The following RFX8 variants were observed in gnomAD, a reference collection of about 807,000 sequenced individuals.
RFX8 encodes DNA-binding protein RFX8.
RFX8 carries 46 observed loss-of-function variants against 54.6 expected under a neutral mutation model. The ratio of observed to expected loss-of-function variants is 0.84; its 90% CI spans 0.67 to 1.08. The LOEUF (loss-of-function observed/expected upper bound fraction) is 1.08. RFX8 is among the 50% of genes least tolerant of loss of function. The probability of loss-of-function intolerance (pLI) is 0.00; values close to 1 mark genes in which losing one functional copy is unlikely to be tolerated. For synonymous variants in RFX8, 192 were observed against 209.5 expected, an observed-to-expected ratio of 0.92 and a Z score of 0.72; for missense variants, 536 against 562.3, an observed-to-expected ratio of 0.95 and a Z score of 0.47.
At chr2:101,406,100 A>T in intron 9 of RFX8, 43 bp from the exon 10 acceptor site, 1 of 1,156,714 alleles carries the variant, frequency 8.6e-7, no homozygotes, top group South Asian at 1.4e-5. Flanking sequence ...TTTGTAATAA[A>T]ATCAAGAAGC....
chr2:101,470,248 G>A (rs1220079874), intron 1 of RFX8, among the ~76,000 whole-genome samples: 3 of 152,160 alleles, frequency 2.0e-5, no homozygotes, highest in Admixed American at 1.3e-4. Context: ...ACCGTGGCTT[G>A]CACACAGAAG....
chr2:101,447,709 T>C (rs1688467930), intron 2 of RFX8, among the ~76,000 whole-genome samples: 2 of 152,246 alleles, frequency 1.3e-5, no homozygotes, highest in Admixed American at 1.3e-4. Context: ...CTAGAACTTA[T>C]TCTTTCTGTC....
At chr2:101,428,929 T>C (rs1316300187) in intron 2 of RFX8, 9 of 1,407,980 alleles carry the variant, frequency 6.4e-6, no homozygotes, top group Admixed American at 2.0e-5. Flanking sequence ...GGGTCTGTTA[T>C]AGTAAATCTG....
chr2:101,404,586 T>C (rs1302656977), intron 10 of RFX8, among the ~76,000 whole-genome samples: 1 of 151,216 alleles, frequency 6.6e-6, no homozygotes, highest in East Asian at 1.9e-4. Context: ...CCACCACACC[T>C]GGCTAATTTT....
chr2:101,426,380 A>G (rs1473296551), intron 2 of RFX8, among the ~76,000 whole-genome samples: 1 of 152,098 alleles, frequency 6.6e-6, no homozygotes, highest in East Asian at 1.9e-4. Context: ...ATTTCTGGGC[A>G]TGGTGACATA....
At chr2:101,402,846 T>C (rs1339442529) in intron 10 of RFX8, 94 bp from the exon 11 acceptor site, 17 of 1,128,634 alleles carry the variant, frequency 1.5e-5, no homozygotes, top group Non-Finnish European at 2.0e-5. Flanking sequence ...GGCTAACACC[T>C]GTGTACGTGA....
chr2:101,400,108 C>G (rs1685345510), intron 11 of RFX8, among the ~76,000 whole-genome samples: 1 of 152,190 alleles, frequency 6.6e-6, no homozygotes, highest in Non-Finnish European at 1.5e-5. Flanking sequence ...ACGCTCAGCT[C>G]CGGGAGACTG....
chr2:101,455,513 A>G (rs555624994), intron 2 of RFX8, among the ~76,000 whole-genome samples: 1 of 152,342 alleles, frequency 6.6e-6, no homozygotes, highest in African/African-American at 2.4e-5. Flanking sequence ...TTTGTCAAAG[A>G]TCAGATGGTT....
chr2:101,446,720 C>T (rs936692575), intron 2 of RFX8, among the ~76,000 whole-genome samples: 1 of 147,748 alleles, frequency 6.8e-6, no homozygotes, highest in African/African-American at 2.5e-5. Context: ...CTCTGAGTGC[C>T]GAGTGCCTGC....
At chr2:101,398,258 C>T (rs1685234402) in intron 11 of RFX8, among the ~76,000 whole-genome samples, 1 of 152,110 alleles carries the variant, frequency 6.6e-6, no homozygotes, top group Non-Finnish European at 1.5e-5. Flanking sequence ...GGTGCAGGGG[C>T]GGGGAGCTGA....
At chr2:101,464,768 T>A (rs941187828) in intron 2 of RFX8, among the ~76,000 whole-genome samples, 11 of 152,080 alleles carry the variant, frequency 7.2e-5, no homozygotes, top group African/African-American at 2.7e-4. Context: ...TCTCTTTAAC[T>A]TTTTTTTCTA....
chr2:101,406,149 G>T, intron 9 of RFX8, 92 bp from the exon 10 acceptor site: 3 of 682,194 alleles, frequency 4.4e-6, no homozygotes, highest in Non-Finnish European at 4.9e-6. Context: ...TCATGCACAC[G>T]CATTTTTAAA....
intron 7 of RFX8, among the ~76,000 whole-genome samples, chr2:101,413,691 A>G (rs1686305505): frequency 6.6e-6 from 1 of 152,178 alleles, no homozygotes; most frequent in Non-Finnish European, 1.5e-5. Context: ...AAGTGGGAAG[A>G]TAAGGCTCAG....
chr2:101,406,025 C>T lies in RFX8; in HGVS notation c.846G>A (p.Leu282=), dbSNP rs1488599759. The T allele has an allele frequency of 6.5e-7, 1 of 1,547,410 alleles. No homozygotes were observed. Among genetic ancestry groups the T allele is most frequent in the Non-Finnish European group, 8.7e-7 (1 of 1,145,172 alleles). The part of the protein sequence containing the change: ...TSRSKEEFTK[L]AASFQLRWNL... Reference sequence around the variant, plus strand: ...TCCATCTCAGCTGGAAGCTGGCGGCCAATTTGGTAAACTCTTCTTTGCTTC... The same window carrying T: ...TCCATCTCAGCTGGAAGCTGGCGGCTAATTTGGTAAACTCTTCTTTGCTTC... The change falls in exon 10 of 12, where the codon TTG becomes TTA. Residue 282 remains leucine, a synonymous_variant. Coordinates refer to ENST00000428343, the MANE Select transcript of RFX8 (RefSeq NM_001145664.2).
chr2:101,460,576 A>G (rs11123886), intron 2 of RFX8, among the ~76,000 whole-genome samples: 52,298 of 151,670 alleles, frequency 0.34, 9,687 homozygotes, highest in African/African-American at 0.44. Flanking sequence ...CATGACATGC[A>G]TGTTGAGAGT....
At chr2:101,403,182 G>A (rs1685545204) in intron 10 of RFX8, among the ~76,000 whole-genome samples, 2 of 152,166 alleles carry the variant, frequency 1.3e-5, no homozygotes, top group Admixed American at 6.5e-5. Context: ...TGTGGTGTTT[G>A]AAACGTAGCG....
At chr2:101,431,264 G>T (rs1282892801) in intron 2 of RFX8, among the ~76,000 whole-genome samples, 1 of 152,208 alleles carries the variant, frequency 6.6e-6, no homozygotes, top group Non-Finnish European at 1.5e-5. Flanking sequence ...TTTCACAGAG[G>T]TTATAGCCTA....
At chr2:101,400,713 C>CT (rs1465798068) in intron 11 of RFX8, among the ~76,000 whole-genome samples, 7 of 152,350 alleles carry the variant, frequency 4.6e-5, no homozygotes, top group African/African-American at 1.7e-4. Flanking sequence ...ACTCCGACCT[C>CT]TTGCTCCAGC....
intron 8 of RFX8, among the ~76,000 whole-genome samples, chr2:101,411,650 T>C (rs1221378224): frequency 6.6e-6 from 1 of 152,110 alleles, no homozygotes; most frequent in Non-Finnish European, 1.5e-5. Context: ...GTAATCCTAC[T>C]AATAGTTCTG....
Sources: gnomAD v4.1 joint callset for allele counts (sites outside exome capture counted in the v4.1 genomes callset) on GRCh38, gnomAD v4.1.1 for gene constraint, MANE v1.5 for transcripts, NCBI Gene and HGNC (gene_info 2026-07-23, HGNC 2026-07-21) for gene names.